The following SSBP3 variants were observed in gnomAD, a reference collection of about 807,000 sequenced individuals.
The protein encoded by SSBP3 is single-stranded DNA-binding protein 3.
In SSBP3, 5 loss-of-function variants were observed where a neutral mutation model predicts 69.6. The observed-to-expected ratio is 0.07, with a 90% CI of 0.04 to 0.15. The LOEUF is 0.15. SSBP3 is among the 10% of genes least tolerant of loss of function. The pLI, the probability that SSBP3 is intolerant of heterozygous loss-of-function variation, is 1.00. For synonymous variants in SSBP3, 196 were observed against 193.4 expected, an observed-to-expected ratio of 1.01 and a Z score of -0.11; for missense variants, 312 against 534.0, an observed-to-expected ratio of 0.58 and a Z score of 4.10.
chr1:54,401,120 C>T (rs1004581057), intron 4 of SSBP3, among the ~76,000 whole-genome samples: 4 of 152,144 alleles, frequency 2.6e-5, no homozygotes, highest in Non-Finnish European at 4.4e-5. Context: ...TGACTGCAAC[C>T]CAGGTTTGAA....
At chr1:54,387,896 C>T (rs1648204658) in intron 4 of SSBP3, among the ~76,000 whole-genome samples, 1 of 152,162 alleles carries the variant, frequency 6.6e-6, no homozygotes, top group South Asian at 2.1e-4. Flanking sequence ...CCAGAACAAG[C>T]CTTCCCAAAA....
intron 14 of SSBP3, chr1:54,237,269 G>T (rs1304533667): frequency 6.6e-6 from 1 of 152,128 alleles, no homozygotes; most frequent in East Asian, 1.9e-4. Context: ...TCGTCCTTTG[G>T]TTCACACACA....
At chr1:54,386,092 A>G (rs1648059252) in intron 4 of SSBP3, among the ~76,000 whole-genome samples, 3 of 152,254 alleles carry the variant, frequency 2.0e-5, no homozygotes, top group African/African-American at 4.8e-5. Flanking sequence ...TCCAGAAAGT[A>G]GAGACTGTGT....
At chr1:54,348,044 A>C (rs542329732) in intron 4 of SSBP3, among the ~76,000 whole-genome samples, 6 of 152,230 alleles carry the variant, frequency 3.9e-5, no homozygotes, top group African/African-American at 1.4e-4. Context: ...TTGCCACTTC[A>C]GGATTATATG....
chr1:54,233,346 G>C (rs1449188293), intron 14 of SSBP3, among the ~76,000 whole-genome samples: 1 of 149,994 alleles, frequency 6.7e-6, no homozygotes. Flanking sequence ...TCTCTGCCCG[G>C]CCGCCCCGTC....
intron 14 of SSBP3, among the ~76,000 whole-genome samples, chr1:54,233,932 G>A (rs1185556792): frequency 6.6e-6 from 1 of 152,246 alleles, no homozygotes; most frequent in African/African-American, 2.4e-5. Flanking sequence ...GGAAAAGATT[G>A]AGAAATCGGA....
exon 1 of SSBP3, chr1:54,405,993 T>C: frequency 6.7e-7 from 1 of 1,486,364 alleles, no homozygotes; most frequent in African/African-American, 1.5e-5. Context: ...GCCGAGCCTT[T>C]GCCTTTGGCA....
At chr1:54,273,608 C>CA (rs1645233680) in intron 5 of SSBP3, among the ~76,000 whole-genome samples, 1 of 152,244 alleles carries the variant, frequency 6.6e-6, no homozygotes, top group African/African-American at 2.4e-5. Flanking sequence ...TCCTCTGCCC[C>CA]AGGCCTCTTT....
At chr1:54,250,415 G>A (rs896457459) in intron 9 of SSBP3, among the ~76,000 whole-genome samples, 3 of 150,490 alleles carry the variant, frequency 2.0e-5, no homozygotes, top group African/African-American at 7.4e-5. Context: ...GTGGTTCTGT[G>A]GGGCGGATTC....
In SSBP3 at chr1:54,240,077, T is replaced by TGCGCGC. The variant is rs1320904314; in HGVS notation, c.856+827_856+828insGCGCGC. Reference sequence around the variant, plus strand: ...GTGTGTGTGTGTGTGTGTGTGTGTGTGTGTGTGTGTGCGCGCGCGCGCGTG... The same window carrying TGCGCGC: ...GTGTGTGTGTGTGTGTGTGTGTGTGTGCGCGCGTGTGTGTGTGCGCGCGCGCGCGTG... On this transcript the variant is annotated intron_variant, in intron 13 of 17. Transcript: ENST00000610401. Among the ~76,000 whole-genome samples the TGCGCGC allele has an allele frequency of 5.8e-3, 127 of 22,020 alleles. 1 individual carries two copies. Among genetic ancestry groups the TGCGCGC allele is most frequent in the Non-Finnish European group, 9.0e-3 (110 of 12,244 alleles). 14.4% of individuals were successfully genotyped at this position (22,020 alleles called of 152,430 possible). A position where few individuals can be genotyped will look rare whatever the true frequency, so the allele number is the denominator to read the frequency against.
intron 14 of SSBP3, 134 bp downstream of exon 14, chr1:54,238,995 T>TTCTGACGGTTTATTTTATTCA: frequency 1.2e-6 from 1 of 818,322 alleles, no homozygotes; most frequent in Non-Finnish European, 2.0e-6. Flanking sequence ...TTAATCACTT[T>TTCTGACGGTTTATTTTATTCA]TCTGACGGTT....
intron 4 of SSBP3, among the ~76,000 whole-genome samples, chr1:54,300,290 G>A (rs1027514734): frequency 1.3e-5 from 2 of 152,136 alleles, no homozygotes; most frequent in Non-Finnish European, 2.9e-5. Flanking sequence ...AGTTCTAGAG[G>A]CAGCACAGGA....
intron 4 of SSBP3, among the ~76,000 whole-genome samples, chr1:54,394,235 A>C (rs1293778573): frequency 6.6e-6 from 1 of 152,162 alleles, no homozygotes; most frequent in Non-Finnish European, 1.5e-5. Context: ...CACGCAGGGC[A>C]CCTTTCCCTC....
intron 5 of SSBP3, among the ~76,000 whole-genome samples, chr1:54,262,035 C>G (rs1645025002): frequency 6.6e-6 from 1 of 152,162 alleles, no homozygotes; most frequent in Non-Finnish European, 1.5e-5. Flanking sequence ...GGGCTCTCCT[C>G]AAAACATCAC....
At chr1:54,298,605 T>C (rs577031868) in intron 4 of SSBP3, among the ~76,000 whole-genome samples, 13 of 152,308 alleles carry the variant, frequency 8.5e-5, no homozygotes, top group Admixed American at 7.8e-4. Context: ...TTTAGAGCTC[T>C]ACTTCATTCA....
chr1:54,259,471 C>A (rs917343563), intron 5 of SSBP3, among the ~76,000 whole-genome samples: 1 of 152,212 alleles, frequency 6.6e-6, no homozygotes, highest in Non-Finnish European at 1.5e-5. Context: ...GCCCACCCAG[C>A]GTGGGATGCT....
chr1:54,379,274 T>C (rs1647434291), intron 4 of SSBP3, among the ~76,000 whole-genome samples: 1 of 152,228 alleles, frequency 6.6e-6, no homozygotes. Flanking sequence ...CCTCAGATGC[T>C]GTGAAGCCCT....
chr1:54,282,071 T>TA (rs547829069), intron 4 of SSBP3, among the ~76,000 whole-genome samples: 10 of 150,604 alleles, frequency 6.6e-5, no homozygotes, highest in African/African-American at 1.2e-4. Flanking sequence ...ATAATAATAA[T>TA]AAAAAAATGG....
intron 7 of SSBP3, among the ~76,000 whole-genome samples, chr1:54,252,668 G>T (rs1344394025): frequency 1.3e-5 from 2 of 152,240 alleles, no homozygotes; most frequent in Non-Finnish European, 2.9e-5. Flanking sequence ...GGTTTCCTGG[G>T]TGAACACTTG....
Sources: allele counts gnomAD v4.1 joint callset (sites outside exome capture counted in the v4.1 genomes callset), GRCh38; gene constraint gnomAD v4.1.1; transcripts MANE v1.5; gene names NCBI Gene and HGNC (gene_info 2026-07-23, HGNC 2026-07-21).